The following SNRPN variants were observed in gnomAD, a reference collection of about 807,000 sequenced individuals.
SNRPN encodes the protein small nuclear ribonucleoprotein polypeptide N, also known as small nuclear ribonucleoprotein-associated protein N.
SNRPN carries 7 observed loss-of-function variants against 25.2 expected under a neutral mutation model. The ratio of observed to expected loss-of-function variants is 0.28; its 90% CI spans 0.16 to 0.52. SNRPN has a LOEUF of 0.52. Among genes scored for constraint, SNRPN ranks in the 20% least tolerant of loss-of-function variants. The pLI, the probability that SNRPN is intolerant of heterozygous loss-of-function variation, is 0.96. For synonymous variants in SNRPN, 124 were observed against 110.6 expected (o/e 1.12, Z -0.76); for missense variants, 196 against 322.5 (o/e 0.61, Z 3.00).
At chr15:24,846,255 T>A (rs2052185599) in intron 2 of SNRPN, among the ~76,000 whole-genome samples, 1 of 152,216 alleles carries the variant, frequency 6.6e-6, no homozygotes, top group Non-Finnish European at 1.5e-5. Flanking sequence ...TATCACGTTT[T>A]TATGCTATTA....
At chr15:24,844,398 G>C (rs2052003079) in intron 2 of SNRPN, among the ~76,000 whole-genome samples, 1 of 152,042 alleles carries the variant, frequency 6.6e-6, no homozygotes, top group Admixed American at 6.6e-5. Context: ...GTATAATTTT[G>C]ATATGACCTA....
At chr15:24,903,434 AAAAC>A (rs1451211509) in intron 2 of SNRPN, among the ~76,000 whole-genome samples, 1 of 152,150 alleles carries the variant, frequency 6.6e-6, no homozygotes, top group African/African-American at 2.4e-5. Flanking sequence ...AACAAAAACA[AAAAC>A]AAAACATCCT....
intron 2 of SNRPN, among the ~76,000 whole-genome samples, chr15:24,843,755 C>G (rs937790612): frequency 2.5e-4 from 37 of 149,376 alleles, no homozygotes; most frequent in African/African-American, 8.9e-4. Flanking sequence ...CCACTGCACT[C>G]CAGCCTGGAT....
At chr15:24,940,123 C>G (rs2153031009) in intron 3 of SNRPN, among the ~76,000 whole-genome samples, 1 of 152,266 alleles carries the variant, frequency 6.6e-6, no homozygotes, top group Admixed American at 6.5e-5. Flanking sequence ...CTATTAACAT[C>G]TTATCAAATA....
At chr15:24,909,711 TC>T (rs1204777533) in intron 2 of SNRPN, 1 of 1,236,190 alleles carries the variant, frequency 8.1e-7, no homozygotes, top group Non-Finnish European at 1.2e-6. Flanking sequence ...TTATCCTGTA[TC>T]ACCAAGCGTT....
upstream of SNRPN, among the ~76,000 whole-genome samples, chr15:24,855,459 T>A (rs1260447080): frequency 6.6e-6 from 1 of 152,136 alleles, no homozygotes; most frequent in Non-Finnish European, 1.5e-5. Flanking sequence ...AATATCTTTT[T>A]TTGTATGGAA....
intron 1 of SNRPN, among the ~76,000 whole-genome samples, chr15:24,956,861 T>C (rs544594068): frequency 6.6e-6 from 1 of 152,316 alleles, no homozygotes; most frequent in African/African-American, 2.4e-5. Flanking sequence ...ACTGGGCTAC[T>C]GCTTTTCAGC....
upstream of SNRPN, among the ~76,000 whole-genome samples, chr15:24,853,298 T>A (rs968496531): frequency 6.6e-6 from 1 of 152,234 alleles, no homozygotes; most frequent in Non-Finnish European, 1.5e-5. Flanking sequence ...ACACATCATA[T>A]TTAGATGTCA....
intron 2 of SNRPN, chr15:24,851,141 A>AG (rs869202125): frequency 5.0e-4 from 2 of 4,038 alleles, no homozygotes; most frequent in African/African-American, 6.1e-4. Flanking sequence ...TGGTGGGGGG[A>AG]AGTTTTAGAG....
intron 1 of SNRPN, among the ~76,000 whole-genome samples, chr15:24,828,523 G>A (rs1431980633): frequency 6.6e-6 from 1 of 151,960 alleles, no homozygotes; most frequent in Admixed American, 6.5e-5. Flanking sequence ...CTCCAGCCTG[G>A]GCGACAGAGC....
chr15:24,832,889 G>A (rs4293353), intron 2 of SNRPN, among the ~76,000 whole-genome samples: 3,358 of 151,864 alleles, frequency 0.022, 165 homozygotes, highest in African/African-American at 0.077. Context: ...GGCGGACCAC[G>A]AGGTCAGGAG....
At chr15:24,872,645 C>A (rs1413148808) in intron 1 of SNRPN, among the ~76,000 whole-genome samples, 1 of 110,326 alleles carries the variant, frequency 9.1e-6, no homozygotes, top group Non-Finnish European at 1.9e-5. Context: ...ACTTGGCAGG[C>A]TGAGACAGCA....
intron 1 of SNRPN, among the ~76,000 whole-genome samples, chr15:24,878,011 A>G (rs1446558877): frequency 1.3e-5 from 2 of 152,196 alleles, no homozygotes; most frequent in East Asian, 1.9e-4. Flanking sequence ...CGATTGTGTT[A>G]CCATGGACAA....
upstream of SNRPN, among the ~76,000 whole-genome samples, chr15:24,953,990 C>G (rs1196120394): frequency 6.6e-6 from 1 of 152,154 alleles, no homozygotes; most frequent in Non-Finnish European, 1.5e-5. Flanking sequence ...ATTTAGTCAA[C>G]CTCCACTCAC....
chr15:24,960,101 C>G (rs973886768), intron 1 of SNRPN, among the ~76,000 whole-genome samples: 6 of 152,016 alleles, frequency 3.9e-5, no homozygotes, highest in African/African-American at 1.4e-4. Flanking sequence ...CCTGTCTCTA[C>G]TATAAATACA....
intron 2 of SNRPN, among the ~76,000 whole-genome samples, chr15:24,900,274 G>T (rs987903209): frequency 7.9e-5 from 12 of 152,096 alleles, no homozygotes; most frequent in Non-Finnish European, 2.9e-5. Context: ...AACTTCCATG[G>T]CGACTATAAA....
chr15:24,891,401 T>C (rs1281036036), intron 2 of SNRPN, among the ~76,000 whole-genome samples: 1 of 152,102 alleles, frequency 6.6e-6, no homozygotes, highest in Admixed American at 6.6e-5. Context: ...AGGAACTTTA[T>C]AAATTAATTT....
At chr15:24,891,499 G>T (rs145170681) in intron 2 of SNRPN, among the ~76,000 whole-genome samples, 13 of 151,176 alleles carry the variant, frequency 8.6e-5, no homozygotes, top group Admixed American at 2.0e-4. Flanking sequence ...GTGCAATGGC[G>T]CAATCTCAGC....
intron 3 of SNRPN, among the ~76,000 whole-genome samples, chr15:24,935,508 GT>G (rs1467370415): frequency 6.6e-6 from 1 of 152,294 alleles, no homozygotes; most frequent in East Asian, 1.9e-4. Context: ...GATAGGGAAT[GT>G]TTTGTTTCTT....
Sources: allele counts gnomAD v4.1 joint callset (sites outside exome capture counted in the v4.1 genomes callset), GRCh38; gene constraint gnomAD v4.1.1; transcripts MANE v1.5; gene names NCBI Gene and HGNC (gene_info 2026-07-23, HGNC 2026-07-21).